Variants in SLC4A4 observed in about 807,000 individuals in gnomAD.
SLC4A4 encodes electrogenic sodium bicarbonate cotransporter 1.
In SLC4A4, 27 loss-of-function variants were observed where a neutral mutation model predicts 111.5. The ratio of observed to expected loss-of-function variants is 0.24; its 90% CI spans 0.18 to 0.33. The LOEUF (loss-of-function observed/expected upper bound fraction) is 0.33. Among genes scored for constraint, SLC4A4 ranks in the 10% least tolerant of loss-of-function variants. The pLI, the probability that SLC4A4 is intolerant of heterozygous loss-of-function variation, is 1.00. For synonymous variants in SLC4A4, 443 were observed against 463.4 expected, an observed-to-expected ratio of 0.96 and a Z score of 0.57; for missense variants, 909 against 1,315.5, an observed-to-expected ratio of 0.69 and a Z score of 4.78.
rs145318777 is a variant in SLC4A4 at position 71,319,168 on chromosome 4, A to G, written c.254-20202A>G. On this transcript the variant is annotated intron_variant, in intron 3 of 25. Transcript: ENST00000264485. ...TACATAAAACATCTAGATTCATTTC[A>G]GTAAGTTACCCTTGTGCATAGCTTA... 2.6e-3 allele frequency among the ~76,000 whole-genome samples: 389 copies of G among 152,166 alleles called. 2 individuals are homozygous for G. The highest frequency in any genetic ancestry group is 8.7e-3 in the African/African-American group (360 of 41,546).
intron 1 of SLC4A4, among the ~76,000 whole-genome samples, chr4:71,230,530 C>G (rs1159821914): frequency 6.6e-6 from 1 of 152,090 alleles, no homozygotes; most frequent in Non-Finnish European, 1.5e-5. Flanking sequence ...ATAAACAGAC[C>G]AAGCTGGTGA....
chr4:71,356,936 A>G, intron 5 of SLC4A4, 72 bp from the exon 6 acceptor site: 1 of 1,396,066 alleles, frequency 7.2e-7, no homozygotes, highest in Non-Finnish European at 1.0e-6. Context: ...TGACATCCAT[A>G]AAGTTAGAGT....
chr4:71,445,213 T>C (rs1452129140), intron 8 of SLC4A4, among the ~76,000 whole-genome samples: 1 of 152,150 alleles, frequency 6.6e-6, no homozygotes, highest in Non-Finnish European at 1.5e-5. Flanking sequence ...AAAATGTCTG[T>C]CCTCGTCTCA....
chr4:71,084,832 C>G (rs991232018), intron 1 of SLC4A4, among the ~76,000 whole-genome samples: 1 of 151,988 alleles, frequency 6.6e-6, no homozygotes, highest in African/African-American at 2.4e-5. Flanking sequence ...GGTTCCAAGT[C>G]TTTGCTATTG....
At chr4:71,481,219 T>G (rs1183387429) in intron 14 of SLC4A4, among the ~76,000 whole-genome samples, 2 of 151,750 alleles carry the variant, frequency 1.3e-5, no homozygotes, top group African/African-American at 4.8e-5. Context: ...CCAGTTTTTC[T>G]AGTACCCCCT....
rs1363989800 is a variant in SLC4A4 at position 71,174,019 on chromosome 4, A to T, written c.-1-62557A>T. 5.3e-5 allele frequency among the ~76,000 whole-genome samples: 8 copies of T among 152,288 alleles called. No homozygotes were observed. The East Asian group carries it at 1.4e-3, about 26-fold the overall frequency. On this transcript the variant is annotated intron_variant, in intron 2 of 26. Transcript: ENST00000649996. ...TTTACTGTTGTTAATGAGGCTATCA[A>T]TATTTTAGTTGCCAGATAGCAGAAA...
chr4:71,466,293 C>T (rs1293637338), intron 12 of SLC4A4, 151 bp from the exon 13 acceptor site: 2 of 826,142 alleles, frequency 2.4e-6, no homozygotes, highest in Non-Finnish European at 3.9e-6. Flanking sequence ...TGGCAATATG[C>T]ATATGGGTAA....
At chr4:71,424,340 A>T (rs1478179866) in intron 7 of SLC4A4, among the ~76,000 whole-genome samples, 1 of 151,956 alleles carries the variant, frequency 6.6e-6, no homozygotes. Flanking sequence ...GTCAGGAAAC[A>T]ACAGGTGCTG....
chr4:71,121,321 G>C (rs1020966339), intron 2 of SLC4A4, among the ~76,000 whole-genome samples: 1 of 152,192 alleles, frequency 6.6e-6, no homozygotes, highest in Non-Finnish European at 1.5e-5. Flanking sequence ...AAGGGCTGAG[G>C]CGTGCAGGTG....
At chr4:71,383,497 C>T (rs1019739014) in intron 6 of SLC4A4, among the ~76,000 whole-genome samples, 2 of 152,190 alleles carry the variant, frequency 1.3e-5, no homozygotes, top group African/African-American at 4.8e-5. Flanking sequence ...TGAATTAGAA[C>T]TGCAACCTCT....
At chr4:71,068,146 C>A (rs922809433) in intron 1 of SLC4A4, among the ~76,000 whole-genome samples, 3 of 143,232 alleles carry the variant, frequency 2.1e-5, no homozygotes, top group Non-Finnish European at 3.0e-5. Flanking sequence ...CTCACTGCAA[C>A]CTCTGCCTCT....
chr4:71,514,651 A>T (rs1049958830), intron 16 of SLC4A4, among the ~76,000 whole-genome samples: 1 of 152,182 alleles, frequency 6.6e-6, no homozygotes, highest in Non-Finnish European at 1.5e-5. Context: ...GAGACATTTT[A>T]TTACTGATTC....
intron 4 of SLC4A4, among the ~76,000 whole-genome samples, chr4:71,342,516 C>T (rs78490562): frequency 6.6e-4 from 101 of 152,224 alleles, no homozygotes; most frequent in African/African-American, 2.2e-3. Context: ...TGAGTTGCCT[C>T]CTCCCTAACA....
chr4:71,400,574 C>G (rs1560474272), intron 7 of SLC4A4, among the ~76,000 whole-genome samples: 1 of 152,114 alleles, frequency 6.6e-6, no homozygotes, highest in Non-Finnish European at 1.5e-5. Flanking sequence ...ATAGTTAATC[C>G]AATGAGTTCT....
At chr4:71,351,473 A>G (rs940576514) in intron 5 of SLC4A4, among the ~76,000 whole-genome samples, 1 of 152,226 alleles carries the variant, frequency 6.6e-6, no homozygotes, top group African/African-American at 2.4e-5. Context: ...GGATGGATGA[A>G]TAAAGAGACT....
intron 16 of SLC4A4, among the ~76,000 whole-genome samples, chr4:71,517,247 C>A (rs1013529774): frequency 1.3e-5 from 2 of 151,796 alleles, no homozygotes; most frequent in African/African-American, 4.8e-5. Flanking sequence ...TCTTTTGATC[C>A]TGTCACATAA....
At chr4:71,236,711 A>T (rs1719840246) in intron 2 of SLC4A4, 62 bp downstream of exon 2, 2 of 1,313,462 alleles carry the variant, frequency 1.5e-6, no homozygotes, top group South Asian at 2.4e-5. Flanking sequence ...AGATAATAAC[A>T]TTCATGCATT....
intron 2 of SLC4A4, among the ~76,000 whole-genome samples, chr4:71,152,232 T>C (rs1416648350): frequency 6.6e-6 from 1 of 152,176 alleles, no homozygotes; most frequent in Non-Finnish European, 1.5e-5. Context: ...GTAACCATTA[T>C]TCTAAATTTT....
At chr4:71,132,335 G>A (rs771429897) in intron 2 of SLC4A4, among the ~76,000 whole-genome samples, 2 of 152,118 alleles carry the variant, frequency 1.3e-5, no homozygotes, top group East Asian at 1.9e-4. Context: ...ATCAGCTAAC[G>A]GCATGTCTCA....
Sources: gnomAD v4.1 joint callset for allele counts (sites outside exome capture counted in the v4.1 genomes callset) on GRCh38, gnomAD v4.1.1 for gene constraint, MANE v1.5 for transcripts, NCBI Gene and HGNC (gene_info 2026-07-23, HGNC 2026-07-21) for gene names.